Variants in NBAS observed in about 807,000 individuals in gnomAD.
NBAS encodes NAG/BC035112 fusion.
Under a neutral mutation model 302.5 loss-of-function variants are expected in NBAS, and 219 were observed. The observed-to-expected ratio is 0.72, with a 90% CI of 0.65 to 0.81. The LOEUF (loss-of-function observed/expected upper bound fraction) is 0.81, where lower values mean the gene tolerates loss of function less well. Among genes scored for constraint, NBAS ranks in the 30% least tolerant of loss-of-function variants. NBAS has a pLI of 0.00. For missense variants in NBAS, 2,932 were observed against 2,841.6 expected (o/e 1.03, Z -0.72); for synonymous variants, 1,118 against 1,021.6 (o/e 1.09, Z -1.80).
At chr2:15,308,637 A>G (rs1013057467) in intron 39 of NBAS, among the ~76,000 whole-genome samples, 1 of 152,196 alleles carries the variant, frequency 6.6e-6, no homozygotes, top group Admixed American at 6.5e-5. Flanking sequence ...AAATAAGAGG[A>G]GGAAACCCTT....
intron 42 of NBAS, among the ~76,000 whole-genome samples, chr2:15,280,277 T>A (rs1030453860): frequency 2.6e-5 from 4 of 152,150 alleles, no homozygotes; most frequent in African/African-American, 9.7e-5. Flanking sequence ...TTTTCTTTAC[T>A]CAGCTGAGAT....
the NBAS span, among the ~76,000 whole-genome samples, chr2:14,814,774 A>C: frequency 6.6e-6 from 1 of 152,116 alleles, no homozygotes; most frequent in Non-Finnish European, 1.5e-5. Flanking sequence ...CAGTACATGA[A>C]ATTTCAGAGG....
At chr2:15,169,238 T>G (rs776573692) in intron 51 of NBAS, among the ~76,000 whole-genome samples, 6 of 152,174 alleles carry the variant, frequency 3.9e-5, no homozygotes, top group Non-Finnish European at 7.4e-5. Flanking sequence ...ACCCCACCTT[T>G]GACCCAAAAC....
At chr2:15,230,880 G>T (rs1212558802) in intron 47 of NBAS, among the ~76,000 whole-genome samples, 1 of 152,192 alleles carries the variant, frequency 6.6e-6, no homozygotes, top group African/African-American at 2.4e-5. Flanking sequence ...GCTACCTGCT[G>T]CATGTGGAGT....
Position 15,474,808 on chromosome 2 carries a change from G to A in NBAS, c.1342-484C>T, listed in dbSNP as rs535915443. 4.6e-5 allele frequency among the ~76,000 whole-genome samples: 7 copies of A among 152,096 alleles called. No homozygotes were observed. In the South Asian group the frequency reaches 8.3e-4, roughly 18 times the overall value. On this transcript the variant is annotated intron_variant, in intron 14 of 51. Transcript: ENST00000281513. Reference sequence around the variant, plus strand: ...ATTCCTGGCCTTAATTGATCCACCCGCCTTGGCCTCCCAAAGTGCTGGGAT... The same window carrying A: ...ATTCCTGGCCTTAATTGATCCACCCACCTTGGCCTCCCAAAGTGCTGGGAT...
intron 44 of NBAS, among the ~76,000 whole-genome samples, chr2:15,269,671 T>A (rs1215426228): frequency 3.3e-5 from 5 of 152,216 alleles, no homozygotes; most frequent in Non-Finnish European, 5.9e-5. Flanking sequence ...AACATTTGGA[T>A]CATCTATATA....
chr2:15,031,430 T>C, the NBAS span, among the ~76,000 whole-genome samples: 3 of 152,162 alleles, frequency 2.0e-5, no homozygotes, highest in Non-Finnish European at 4.4e-5. Flanking sequence ...CTCTTTCAAA[T>C]TTTGTTTGGT....
intron 48 of NBAS, among the ~76,000 whole-genome samples, chr2:15,210,513 A>C (rs1200265993): frequency 6.6e-6 from 1 of 152,170 alleles, no homozygotes; most frequent in Non-Finnish European, 1.5e-5. Flanking sequence ...ATCCTCATGC[A>C]CTATTGGTTG....
Position 15,191,503 on chromosome 2 carries a change from C to A in NBAS, c.6433-1100G>T, listed in dbSNP as rs548355881. 3.9e-5 allele frequency among the ~76,000 whole-genome samples: 6 copies of A among 152,270 alleles called. No individual in the cohort carries two copies. The East Asian group carries it at 9.7e-4, about 24-fold the overall frequency. ...ATGTCGTTCTTCTATGGAATAATAG[C>A]CCACAGCCATTTTGTAGCTTTTTTG... is the stretch of plus-strand genomic sequence containing the variant. On this transcript the variant is annotated intron_variant, in intron 48 of 51. Coordinates refer to ENST00000281513, the MANE Select transcript of NBAS (RefSeq NM_015909.4).
intron 47 of NBAS, among the ~76,000 whole-genome samples, chr2:15,230,422 G>A (rs573842709): frequency 1.6e-5 from 2 of 127,512 alleles, no homozygotes; most frequent in South Asian, 2.6e-4. Context: ...AAAGTTCTCT[G>A]AAGTTTCTTT....
At chr2:15,101,849 G>T in the NBAS span, among the ~76,000 whole-genome samples, 1 of 152,194 alleles carries the variant, frequency 6.6e-6, no homozygotes, top group Non-Finnish European at 1.5e-5. Flanking sequence ...ACAAACCTCA[G>T]TCTTCAGTGA....
chr2:15,461,322 C>T lies in NBAS; in HGVS notation c.2218G>A (p.Ala740Thr). 1 of 1,612,300 alleles carries T rather than the reference C, an allele frequency of 6.2e-7. No homozygotes were observed. Among genetic ancestry groups the T allele is most frequent in the Non-Finnish European group, 8.5e-7 (1 of 1,178,490 alleles). ...TGGTAAGTAAACAGAATTTCCAGGG[C>T]TTGTACATTACTTTCCTGTACAAAA... The part of the protein sequence containing the change: ...RTYAQESNVQ[A>T]LEILFTYHGS... Residue 740 changes from alanine (A) to threonine (T), a missense_variant, in exon 21 of 52, where the codon GCC becomes ACC. Coordinates refer to ENST00000281513, the MANE Select transcript of NBAS (RefSeq NM_015909.4).
chr2:14,981,084 A>T, the NBAS span, among the ~76,000 whole-genome samples: 1 of 152,144 alleles, frequency 6.6e-6, no homozygotes, highest in East Asian at 1.9e-4. Flanking sequence ...CAGAAGAAAA[A>T]TTTATCAAAT....
At position 15,534,542 on chromosome 2, in the gene NBAS, C is replaced by A; in HGVS notation, c.746+1G>T. The stretch of plus-strand genomic sequence containing the variant: ...AAATATGAGAACAAATGGTTACTTA[C>A]CTGTGACCAGGGTGGTAAATAGCTG... On this transcript the variant is annotated splice_donor_variant, in intron 9 of 51. Coordinates refer to ENST00000281513, the MANE Select transcript of NBAS (RefSeq NM_015909.4). LOFTEE classifies it high-confidence loss of function. 6.3e-7 allele frequency: 1 copy of A among 1,591,028 alleles called. No individual in the cohort carries two copies. Among genetic ancestry groups the A allele is most frequent in the African/African-American group, 1.3e-5 (1 of 74,704 alleles).
intron 35 of NBAS, among the ~76,000 whole-genome samples, chr2:15,348,428 A>G (rs1673192757): frequency 6.6e-6 from 1 of 152,176 alleles, no homozygotes; most frequent in Admixed American, 6.5e-5. Flanking sequence ...GTAACACAGC[A>G]TGGCCCACTG....
chr2:15,492,785 T>C (rs1680915313), intron 11 of NBAS, among the ~76,000 whole-genome samples: 2 of 152,158 alleles, frequency 1.3e-5, no homozygotes, highest in South Asian at 2.1e-4. Context: ...TGAATTCCTA[T>C]ATAACATGCA....
chr2:15,189,757 T>C (rs1421582308), intron 49 of NBAS, among the ~76,000 whole-genome samples: 1 of 152,188 alleles, frequency 6.6e-6, no homozygotes, highest in Non-Finnish European at 1.5e-5. Flanking sequence ...CCTCCACTTA[T>C]TAGCCGTGTG....
the NBAS span, among the ~76,000 whole-genome samples, chr2:15,085,377 G>A: frequency 6.6e-6 from 1 of 152,126 alleles, no homozygotes; most frequent in African/African-American, 2.4e-5. Context: ...GGTCTGCCCT[G>A]CGTGGAAGTG....
chr2:15,014,207 A>G, the NBAS span, among the ~76,000 whole-genome samples: 2 of 152,152 alleles, frequency 1.3e-5, no homozygotes, highest in East Asian at 3.8e-4. Context: ...AATATTTGGG[A>G]TTTCTCATTC....
Sources: gnomAD v4.1 joint callset for allele counts (sites outside exome capture counted in the v4.1 genomes callset) on GRCh38, gnomAD v4.1.1 for gene constraint, MANE v1.5 for transcripts, NCBI Gene and HGNC (gene_info 2026-07-23, HGNC 2026-07-21) for gene names.